LDB2: variants seen among roughly 807,000 people sequenced by gnomAD.
LDB2 encodes LIM domain-binding protein 2.
In LDB2, 12 loss-of-function variants were observed where a neutral mutation model predicts 44.3. That is an observed-to-expected ratio of 0.27 (90% CI 0.17 to 0.44). LDB2 has a LOEUF of 0.44. LDB2 is among the 20% of genes least tolerant of loss of function. The pLI is 1.00. For synonymous variants in LDB2, 164 were observed against 174.8 expected (o/e 0.94, Z 0.49); for missense variants, 344 against 473.5 (o/e 0.73, Z 2.54).
chr4:16,670,709 C>T (rs1472554235), intron 2 of LDB2, among the ~76,000 whole-genome samples: 1 of 152,192 alleles, frequency 6.6e-6, no homozygotes, highest in Non-Finnish European at 1.5e-5. Flanking sequence ...CTATCCTATG[C>T]TTTAATATCC....
intron 2 of LDB2, among the ~76,000 whole-genome samples, chr4:16,606,027 C>T (rs1723839638): frequency 6.6e-6 from 1 of 152,198 alleles, no homozygotes; most frequent in South Asian, 2.1e-4. Flanking sequence ...TCCCTGACCA[C>T]CCTATACCCA....
intron 2 of LDB2, among the ~76,000 whole-genome samples, chr4:16,718,736 A>C (rs1025006667): frequency 6.6e-6 from 1 of 152,126 alleles, no homozygotes; most frequent in Non-Finnish European, 1.5e-5. Context: ...CAAATAACCC[A>C]GTTTAACTTA....
chr4:16,701,587 G>T (rs1479667357), intron 2 of LDB2, among the ~76,000 whole-genome samples: 1 of 152,168 alleles, frequency 6.6e-6, no homozygotes, highest in South Asian at 2.1e-4. Context: ...TATAAATGAG[G>T]AAATTAAAAT....
At chr4:16,512,969 C>T (rs2152241276) in intron 5 of LDB2, among the ~76,000 whole-genome samples, 1 of 152,288 alleles carries the variant, frequency 6.6e-6, no homozygotes, top group Middle Eastern at 3.4e-3. Flanking sequence ...CTTATGAGGA[C>T]AGAGACCACA....
chr4:16,567,276 T>C (rs1744824437), intron 5 of LDB2, among the ~76,000 whole-genome samples: 1 of 152,194 alleles, frequency 6.6e-6, no homozygotes, highest in South Asian at 2.1e-4. Context: ...TGAATTATGG[T>C]ATATCTTTAG....
At position 16,734,955 on chromosome 4, in the gene LDB2, C is replaced by T. The variant is rs1035868779; in HGVS notation, c.235+24203G>A. ...AACTCCTGACCTCAGGTGATCCACC[C>T]GCCTCTGCCTCCCAAAGTGCTGGGA... On this transcript the variant is annotated intron_variant, in intron 2 of 7. Coordinates refer to ENST00000304523, the MANE Select transcript of LDB2 (RefSeq NM_001290.5). 5.0e-4 allele frequency among the ~76,000 whole-genome samples: 76 copies of T among 152,092 alleles called. 1 individual carries two copies. Among genetic ancestry groups the T allele is most frequent in the African/African-American group, 1.1e-3 (44 of 41,482 alleles).
rs573180406 is a variant in LDB2 at position 16,557,534 on chromosome 4, T to G, written c.615+28388A>C. Among the ~76,000 whole-genome samples, 159 of 152,336 alleles carry G rather than the reference T, an allele frequency of 1.0e-3. 1 individual carries two copies. Among genetic ancestry groups the G allele is most frequent in the South Asian group, 7.7e-3 (37 of 4,830 alleles). ...GAGGGGCGCCTGCCATTGCCCAGGC[T>G]TGCTTAGGTAAACAAAGCAGCCGGG... On this transcript the variant is annotated intron_variant, in intron 5 of 7. Coordinates refer to ENST00000304523, the MANE Select transcript of LDB2 (RefSeq NM_001290.5).
intron 2 of LDB2, among the ~76,000 whole-genome samples, chr4:16,693,441 C>T (rs1165593736): frequency 2.0e-5 from 3 of 150,510 alleles, no homozygotes; most frequent in East Asian, 2.1e-4. Context: ...CCGCAACCTC[C>T]GCCTCCTGGG....
At chr4:16,847,161 G>A (rs969142536) in intron 1 of LDB2, among the ~76,000 whole-genome samples, 1 of 152,082 alleles carries the variant, frequency 6.6e-6, no homozygotes, top group African/African-American at 2.4e-5. Context: ...ATTTCTATAT[G>A]TTGTAATAAC....
intron 1 of LDB2, among the ~76,000 whole-genome samples, chr4:16,885,749 A>G (rs2110472835): frequency 6.6e-6 from 1 of 152,298 alleles, no homozygotes; most frequent in South Asian, 2.1e-4. Context: ...AAATAATACA[A>G]GAGAAAGAAA....
intron 1 of LDB2, among the ~76,000 whole-genome samples, chr4:16,795,885 A>T: frequency 6.6e-6 from 1 of 152,182 alleles, no homozygotes; most frequent in East Asian, 1.9e-4. Context: ...AGTCCCACTT[A>T]GCAAATTGGA....
chr4:16,636,511 G>T (rs538212883), intron 2 of LDB2, among the ~76,000 whole-genome samples: 1 of 152,320 alleles, frequency 6.6e-6, no homozygotes, highest in East Asian at 1.9e-4. Context: ...TTACTTAGGA[G>T]ATAAGTTGAT....
At chr4:16,814,775 C>T (rs927518295) in intron 1 of LDB2, among the ~76,000 whole-genome samples, 1 of 152,102 alleles carries the variant, frequency 6.6e-6, no homozygotes. Context: ...TGACAAAGTG[C>T]TAGAATCAGG....
At chr4:16,891,515 G>T (rs1723405551) in intron 1 of LDB2, among the ~76,000 whole-genome samples, 1 of 152,010 alleles carries the variant, frequency 6.6e-6, no homozygotes, top group African/African-American at 2.4e-5. Context: ...GTTTCACCAT[G>T]TTGATCAGGC....
intron 1 of LDB2, among the ~76,000 whole-genome samples, chr4:16,783,819 T>C (rs932616154): frequency 6.6e-6 from 1 of 152,134 alleles, no homozygotes; most frequent in African/African-American, 2.4e-5. Context: ...GGGATTTGAG[T>C]GGTTTTTGGT....
At chr4:16,512,505 C>T (rs1433397920) in intron 5 of LDB2, among the ~76,000 whole-genome samples, 4 of 152,136 alleles carry the variant, frequency 2.6e-5, no homozygotes, top group Non-Finnish European at 4.4e-5. Context: ...CAGCATGCTT[C>T]GATTTCTACT....
At chr4:16,727,909 A>G (rs1426563740) in intron 2 of LDB2, among the ~76,000 whole-genome samples, 1 of 152,332 alleles carries the variant, frequency 6.6e-6, no homozygotes, top group East Asian at 1.9e-4. Context: ...TTACAGATAA[A>G]TAAACTGAAG....
intron 1 of LDB2, among the ~76,000 whole-genome samples, chr4:16,897,937 TACAC>T (rs1250046202): frequency 6.0e-3 from 114 of 18,944 alleles, no homozygotes; most frequent in Admixed American, 0.014. Context: ...TATATATATA[TACAC>T]ATATGTATAT....
intron 2 of LDB2, among the ~76,000 whole-genome samples, chr4:16,693,582 C>T (rs1751380181): frequency 6.6e-6 from 1 of 152,106 alleles, no homozygotes; most frequent in Non-Finnish European, 1.5e-5. Context: ...GTCTTGAACT[C>T]CTGACCTCGT....
Sources: gnomAD v4.1 joint callset for allele counts (sites outside exome capture counted in the v4.1 genomes callset) on GRCh38, gnomAD v4.1.1 for gene constraint, MANE v1.5 for transcripts, NCBI Gene and HGNC (gene_info 2026-07-23, HGNC 2026-07-21) for gene names.